CFAP299: variants seen among roughly 807,000 people sequenced by gnomAD.
CFAP299 encodes cilia and flagella associated protein 299.
A neutral mutation model predicts 27.0 loss-of-function variants in CFAP299; 21 were observed. That is an observed-to-expected ratio of 0.78 (90% CI 0.55 to 1.12). The LOEUF is 1.12. Ranked by LOEUF, CFAP299 falls within the 50% of genes most tolerant of loss-of-function variation. The pLI is 0.00. For synonymous variants in CFAP299, 104 were observed against 98.1 expected (o/e 1.06, Z -0.36); for missense variants, 310 against 276.6 (o/e 1.12, Z -0.86).
At chr4:80,382,704 A>G (rs548146608) in intron 2 of CFAP299, among the ~76,000 whole-genome samples, 1 of 152,288 alleles carries the variant, frequency 6.6e-6, no homozygotes, top group African/African-American at 2.4e-5. Context: ...GAGAAAAGGG[A>G]ACACTTATAC....
chr4:80,938,384 C>T (rs1354390898), intron 4 of CFAP299, among the ~76,000 whole-genome samples: 1 of 152,210 alleles, frequency 6.6e-6, no homozygotes, highest in East Asian at 1.9e-4. Context: ...GTTCTTAAAC[C>T]ACTAACAATA....
At chr4:80,741,127 C>T (rs1278934595) in intron 3 of CFAP299, among the ~76,000 whole-genome samples, 7 of 152,172 alleles carry the variant, frequency 4.6e-5, no homozygotes. Context: ...CTCACTGCAG[C>T]CACCACAGTT....
intron 2 of CFAP299, among the ~76,000 whole-genome samples, chr4:80,556,640 A>C (rs1338193468): frequency 6.6e-6 from 1 of 152,052 alleles, no homozygotes; most frequent in African/African-American, 2.4e-5. Flanking sequence ...CAAAAAGTTT[A>C]GTTTGAGGTC....
intron 4 of CFAP299, among the ~76,000 whole-genome samples, chr4:80,902,744 C>T (rs1454606762): frequency 6.6e-6 from 1 of 151,424 alleles, no homozygotes; most frequent in Non-Finnish European, 1.5e-5. Flanking sequence ...TTTATAAATG[C>T]AGACTTCTTC....
At chr4:80,886,095 T>G (rs1198550553) in intron 4 of CFAP299, among the ~76,000 whole-genome samples, 1 of 152,128 alleles carries the variant, frequency 6.6e-6, no homozygotes, top group Non-Finnish European at 1.5e-5. Flanking sequence ...GTGGTGGTAA[T>G]GGGCACAGGG....
chr4:80,331,023 T>C (rs974019132), upstream of CFAP299, among the ~76,000 whole-genome samples: 1 of 152,194 alleles, frequency 6.6e-6, no homozygotes, highest in African/African-American at 2.4e-5. Flanking sequence ...TTGCAACAAA[T>C]GATAAGTGCA....
intron 3 of CFAP299, among the ~76,000 whole-genome samples, chr4:80,707,239 C>T (rs1329578424): frequency 6.6e-6 from 1 of 151,902 alleles, no homozygotes; most frequent in Non-Finnish European, 1.5e-5. Context: ...CTTTCTTCTG[C>T]TACCTATTTT....
At chr4:80,702,428 T>A (rs1404092987) in intron 3 of CFAP299, among the ~76,000 whole-genome samples, 1 of 151,846 alleles carries the variant, frequency 6.6e-6, no homozygotes, top group Non-Finnish European at 1.5e-5. Flanking sequence ...CACTGAGCTG[T>A]TTTTTAAGTG....
chr4:80,587,288 A>G (rs1736497883), intron 3 of CFAP299, among the ~76,000 whole-genome samples: 1 of 152,168 alleles, frequency 6.6e-6, no homozygotes, highest in African/African-American at 2.4e-5. Flanking sequence ...ATGTATATCA[A>G]CATTTATTTC....
At chr4:80,918,188 C>A (rs1449541439) in intron 4 of CFAP299, among the ~76,000 whole-genome samples, 1 of 152,112 alleles carries the variant, frequency 6.6e-6, no homozygotes, top group Non-Finnish European at 1.5e-5. Flanking sequence ...TCATCTCCAG[C>A]CAGCCTACAA....
At chr4:80,668,875 GA>G (rs1741287020) in intron 3 of CFAP299, among the ~76,000 whole-genome samples, 2 of 151,764 alleles carry the variant, frequency 1.3e-5, no homozygotes, top group Non-Finnish European at 2.9e-5. Flanking sequence ...TTTTGATAGG[GA>G]TTGCACTGAA....
At chr4:80,335,984 T>TGGACA in intron 1 of CFAP299, 105 bp downstream of exon 1, 1 of 728,228 alleles carries the variant, frequency 1.4e-6, no homozygotes, top group African/African-American at 1.8e-5. Context: ...ACAGCTCAGC[T>TGGACA]GTCAGGCGCC....
In CFAP299 at chr4:80,626,383, A is replaced by C. The variant is rs191889105; in HGVS notation, c.333+43200A>C. Among the ~76,000 whole-genome samples the C allele has an allele frequency of 3.3e-5, 5 of 152,066 alleles. No homozygotes were observed. In the East Asian group the frequency reaches 9.6e-4, roughly 29 times the overall value. The stretch of plus-strand genomic sequence containing the variant: ...CAAACTTACCAGATACAGCAAAAGC[A>C]GTTCTAAGAAGGAAGCATGTAGCTG... On this transcript the variant is annotated intron_variant, in intron 3 of 5. Coordinates refer to ENST00000358105, the MANE Select transcript of CFAP299 (RefSeq NM_152770.3).
intron 3 of CFAP299, among the ~76,000 whole-genome samples, chr4:80,730,947 C>A (rs1392857810): frequency 2.0e-5 from 3 of 152,158 alleles, no homozygotes; most frequent in Non-Finnish European, 4.4e-5. Flanking sequence ...TTAGTCCATC[C>A]TCTGAGAAGA....
At chr4:80,733,818 TAGTACTCCATTGTGTATA>T (rs1318316922) in intron 3 of CFAP299, among the ~76,000 whole-genome samples, 2 of 152,186 alleles carry the variant, frequency 1.3e-5, no homozygotes, top group Non-Finnish European at 2.9e-5. Flanking sequence ...TATGACTGAA[TAGTACTCCATTGTGTATA>T]AGTACTACAT....
At chr4:80,447,141 T>TTTTTTTTTTTTTTTTTG (rs1560571682) in intron 2 of CFAP299, among the ~76,000 whole-genome samples, 3 of 126,484 alleles carry the variant, frequency 2.4e-5, no homozygotes, top group Admixed American at 8.2e-5. Flanking sequence ...TTTTTTTTTT[T>TTTTTTTTTTTTTTTTTG]TTTTTTTTTT....
At chr4:80,504,494 TATATATA>T (rs1560598351) in intron 2 of CFAP299, among the ~76,000 whole-genome samples, 3 of 132,404 alleles carry the variant, frequency 2.3e-5, no homozygotes, top group Admixed American at 7.7e-5. Context: ...TATATATATA[TATATATA>T]TATATTTTCC....
At chr4:80,343,799 T>TAA (rs35187249) in intron 1 of CFAP299, among the ~76,000 whole-genome samples, 48,770 of 75,232 alleles carry the variant, frequency 0.65, 17,405 homozygotes, top group Non-Finnish European at 0.73. Context: ...AGACTCCGTC[T>TAA]AAAAAAAAAA....
intron 3 of CFAP299, among the ~76,000 whole-genome samples, chr4:80,826,015 A>C (rs983404792): frequency 3.3e-5 from 5 of 151,950 alleles, no homozygotes; most frequent in African/African-American, 1.2e-4. Context: ...TGCATTAAGC[A>C]AACAATTATT....
Sources: allele counts gnomAD v4.1 joint callset (sites outside exome capture counted in the v4.1 genomes callset), GRCh38; gene constraint gnomAD v4.1.1; transcripts MANE v1.5; gene names NCBI Gene and HGNC (gene_info 2026-07-23, HGNC 2026-07-21).